The following MSI2 variants were observed in gnomAD, a reference collection of about 807,000 sequenced individuals.
MSI2 encodes the protein RNA-binding protein Musashi homolog 2.
Under a neutral mutation model 45.6 loss-of-function variants are expected in MSI2, and 17 were observed. That is an observed-to-expected ratio of 0.37 (90% CI 0.26 to 0.56). The LOEUF is 0.56. MSI2 is among the 20% of genes least tolerant of loss of function. The probability of loss-of-function intolerance (pLI) is 0.77; values close to 1 mark genes in which losing one functional copy is unlikely to be tolerated. For missense variants in MSI2, 293 were observed against 444.2 expected, an observed-to-expected ratio of 0.66 and a Z score of 3.06; for synonymous variants, 156 against 158.2, an observed-to-expected ratio of 0.99 and a Z score of 0.11.
chr17:57,491,795 C>T (rs1257017486), intron 6 of MSI2, among the ~76,000 whole-genome samples: 1 of 152,178 alleles, frequency 6.6e-6, no homozygotes, highest in East Asian at 1.9e-4. Flanking sequence ...GCATATGAAG[C>T]CACAGTTTTC....
At chr17:57,605,635 A>T (rs1258661197) in intron 8 of MSI2, among the ~76,000 whole-genome samples, 1 of 152,198 alleles carries the variant, frequency 6.6e-6, no homozygotes, top group Non-Finnish European at 1.5e-5. Context: ...CTGCGCCCGT[A>T]TGCAGCTGCA....
chr17:57,391,756 C>T (rs750168457), intron 5 of MSI2, among the ~76,000 whole-genome samples: 2 of 152,192 alleles, frequency 1.3e-5, no homozygotes, highest in African/African-American at 2.4e-5. Flanking sequence ...TATTAAGAAT[C>T]TGCTTTGGCT....
intron 6 of MSI2, among the ~76,000 whole-genome samples, chr17:57,427,076 C>CT (rs1432533017): frequency 6.6e-6 from 1 of 152,230 alleles, no homozygotes; most frequent in Non-Finnish European, 1.5e-5. Context: ...GAGAAGCTCT[C>CT]TGTTTCTCCT....
intron 10 of MSI2, chr17:57,632,572 T>A (rs1446845552): frequency 2.4e-5 from 26 of 1,066,590 alleles, no homozygotes. Flanking sequence ...ACCATTGGAG[T>A]AGGAGGGGGT....
At chr17:57,393,427 G>A (rs568232591) in intron 5 of MSI2, among the ~76,000 whole-genome samples, 2 of 152,214 alleles carry the variant, frequency 1.3e-5, no homozygotes, top group East Asian at 3.9e-4. Context: ...CGCTTTCAAG[G>A]TTCATCCATG....
intron 6 of MSI2, among the ~76,000 whole-genome samples, chr17:57,439,536 G>A (rs1335095573): frequency 6.6e-6 from 1 of 151,996 alleles, no homozygotes; most frequent in Non-Finnish European, 1.5e-5. Context: ...TCCTGTGCCA[G>A]GCACTGGGGA....
At chr17:57,591,772 G>C (rs1032925476) in intron 7 of MSI2, among the ~76,000 whole-genome samples, 1 of 152,002 alleles carries the variant, frequency 6.6e-6, no homozygotes, top group Non-Finnish European at 1.5e-5. Context: ...CTAGGGCTGG[G>C]GGAGGGGGAA....
At chr17:57,602,385 T>TTC (rs1167627343) in intron 8 of MSI2, among the ~76,000 whole-genome samples, 2 of 152,016 alleles carry the variant, frequency 1.3e-5, no homozygotes, top group Non-Finnish European at 2.9e-5. Context: ...CAGGGTCTCA[T>TTC]TCTGTCACCC....
intron 10 of MSI2, among the ~76,000 whole-genome samples, chr17:57,651,533 G>T (rs187519191): frequency 6.6e-6 from 1 of 152,226 alleles, no homozygotes; most frequent in Non-Finnish European, 1.5e-5. Context: ...CTGTGATGCT[G>T]CTGACTTCAT....
chr17:57,486,339 A>G (rs1277918640), intron 6 of MSI2, among the ~76,000 whole-genome samples: 2 of 152,088 alleles, frequency 1.3e-5, no homozygotes, highest in Admixed American at 6.5e-5. Flanking sequence ...TTTTCACTTC[A>G]GTTAATCCAA....
chr17:57,648,933 T>C (rs1910908734), intron 10 of MSI2, among the ~76,000 whole-genome samples: 1 of 152,120 alleles, frequency 6.6e-6, no homozygotes, highest in African/African-American at 2.4e-5. Context: ...TCCCCTGCAT[T>C]TCCCAGCCCT....
intron 5 of MSI2, among the ~76,000 whole-genome samples, chr17:57,366,042 T>C (rs943407326): frequency 1.4e-4 from 22 of 152,198 alleles, no homozygotes; most frequent in African/African-American, 5.3e-4. Context: ...ACCTCCCGAA[T>C]AGCTGGGACC....
chr17:57,498,992 T>C (rs2086041078), intron 6 of MSI2, among the ~76,000 whole-genome samples: 1 of 148,888 alleles, frequency 6.7e-6, no homozygotes, highest in Non-Finnish European at 1.5e-5. Context: ...TGTGGAACTT[T>C]TATTTCTAAA....
intron 5 of MSI2, among the ~76,000 whole-genome samples, chr17:57,383,895 C>T (rs1297284768): frequency 6.6e-6 from 1 of 152,206 alleles, no homozygotes; most frequent in African/African-American, 2.4e-5. Flanking sequence ...CACCCATGGG[C>T]CTGTCTGGGA....
intron 7 of MSI2, among the ~76,000 whole-genome samples, chr17:57,560,770 G>T (rs1465003917): frequency 1.3e-5 from 2 of 152,224 alleles, no homozygotes; most frequent in Non-Finnish European, 2.9e-5. Context: ...TGCCTGTACG[G>T]TTCCTCGCAG....
At chr17:57,463,869 C>T (rs371052792) in intron 6 of MSI2, among the ~76,000 whole-genome samples, 1 of 152,102 alleles carries the variant, frequency 6.6e-6, no homozygotes, top group Admixed American at 6.5e-5. Flanking sequence ...GTCATTTGTT[C>T]GACACTTTCT....
intron 5 of MSI2, among the ~76,000 whole-genome samples, chr17:57,326,114 C>A (rs1026285623): frequency 2.6e-5 from 4 of 152,136 alleles, no homozygotes; most frequent in Non-Finnish European, 5.9e-5. Flanking sequence ...GCTGCTGCTG[C>A]TTTTGTAGCC....
At chr17:57,464,613 T>C (rs2085296602) in intron 6 of MSI2, among the ~76,000 whole-genome samples, 1 of 151,966 alleles carries the variant, frequency 6.6e-6, no homozygotes, top group African/African-American at 2.4e-5. Flanking sequence ...CGTTACGGGG[T>C]GTGGGTGTGG....
intron 6 of MSI2, among the ~76,000 whole-genome samples, chr17:57,528,992 T>A (rs968351449): frequency 1.7e-4 from 26 of 152,220 alleles, no homozygotes; most frequent in African/African-American, 6.0e-4. Context: ...CTGGGAAATA[T>A]GCATCGGTCA....
Sources: allele counts gnomAD v4.1 joint callset (sites outside exome capture counted in the v4.1 genomes callset), GRCh38; gene constraint gnomAD v4.1.1; transcripts MANE v1.5; gene names NCBI Gene and HGNC (gene_info 2026-07-23, HGNC 2026-07-21).